Variants in WWOX observed in about 807,000 individuals in gnomAD.
WWOX encodes the protein WW domain-containing oxidoreductase.
WWOX carries 69 observed loss-of-function variants against 46.2 expected under a neutral mutation model. The observed-to-expected ratio is 1.49, with a 90% CI of 1.23 to 1.82. The LOEUF (loss-of-function observed/expected upper bound fraction) is 1.82, where lower values mean the gene tolerates loss of function less well. WWOX is among the 40% of genes most tolerant of loss of function. The pLI is 0.00. For synonymous variants in WWOX, 359 were observed against 202.6 expected (o/e 1.77, Z -6.56); for missense variants, 919 against 542.6 (o/e 1.69, Z -6.89).
intron 5 of WWOX, among the ~76,000 whole-genome samples, chr16:78,257,010 A>G (rs1007977946): frequency 6.6e-6 from 1 of 152,090 alleles, no homozygotes; most frequent in Admixed American, 6.6e-5. Context: ...TTAATGGCAC[A>G]TTAGGCTTTG....
chr16:78,997,777 C>A (rs2047018838), intron 8 of WWOX, among the ~76,000 whole-genome samples: 7 of 152,120 alleles, frequency 4.6e-5, no homozygotes, highest in Admixed American at 4.6e-4. Flanking sequence ...TAAGGTCAAC[C>A]AAGTATGGGA....
At chr16:78,134,025 T>G (rs775769884) in intron 4 of WWOX, among the ~76,000 whole-genome samples, 1 of 152,232 alleles carries the variant, frequency 6.6e-6, no homozygotes, top group African/African-American at 2.4e-5. Context: ...CTAGACTGTT[T>G]CCTTAAAGAA....
At chr16:78,937,549 C>G (rs935355834) in intron 8 of WWOX, among the ~76,000 whole-genome samples, 4 of 143,006 alleles carry the variant, frequency 2.8e-5, no homozygotes, top group Non-Finnish European at 4.5e-5. Flanking sequence ...CCTTGCTTGG[C>G]TTCCCAAAGT....
chr16:78,621,192 C>T (rs767209110), intron 8 of WWOX, among the ~76,000 whole-genome samples: 13 of 152,042 alleles, frequency 8.6e-5, no homozygotes, highest in Non-Finnish European at 1.6e-4. Context: ...TGGGGATCTG[C>T]GAAACATTAA....
chr16:78,829,230 A>G (rs1046183826), intron 8 of WWOX, among the ~76,000 whole-genome samples: 4 of 152,236 alleles, frequency 2.6e-5, no homozygotes, highest in East Asian at 1.9e-4. Context: ...ATGGAAGCCC[A>G]GAAGTCCCAA....
intron 5 of WWOX, among the ~76,000 whole-genome samples, chr16:78,226,390 T>A (rs950902720): frequency 6.7e-6 from 1 of 148,866 alleles, no homozygotes; most frequent in Non-Finnish European, 1.5e-5. Context: ...ACTTTAATGA[T>A]TTTTTTTTTC....
chr16:79,035,937 G>C (rs930241014), intron 8 of WWOX, among the ~76,000 whole-genome samples: 2 of 152,190 alleles, frequency 1.3e-5, no homozygotes, highest in Non-Finnish European at 2.9e-5. Flanking sequence ...ACTGTCTCAA[G>C]ATCTTAGAAG....
intron 8 of WWOX, among the ~76,000 whole-genome samples, chr16:78,909,990 A>C (rs1489583709): frequency 6.6e-6 from 1 of 152,178 alleles, no homozygotes; most frequent in Non-Finnish European, 1.5e-5. Flanking sequence ...CTATATTTTG[A>C]TTTAAGATCA....
intron 5 of WWOX, among the ~76,000 whole-genome samples, chr16:78,364,289 T>A (rs1362012977): frequency 6.6e-6 from 1 of 152,228 alleles, no homozygotes; most frequent in East Asian, 1.9e-4. Context: ...TGATAGCCAC[T>A]AAAGGGGGAA....
chr16:78,734,772 G>T (rs1354056982), intron 8 of WWOX, among the ~76,000 whole-genome samples: 1 of 140,372 alleles, frequency 7.1e-6, no homozygotes, highest in South Asian at 2.5e-4. Context: ...GGTCTGAATA[G>T]AGCAAATAGA....
intron 8 of WWOX, among the ~76,000 whole-genome samples, chr16:78,829,929 AG>A (rs1322936700): frequency 6.6e-6 from 1 of 152,204 alleles, no homozygotes; most frequent in Non-Finnish European, 1.5e-5. Context: ...TACATTCAGC[AG>A]AGGAAAAATG....
rs1326792750 is a variant in WWOX, at chr16:78,422,756, T to TAC, written c.606-2110_606-2109dup. Among the ~76,000 whole-genome samples the TAC allele has an allele frequency of 3.8e-5, 4 of 103,996 alleles. 1 individual carries two copies. Among genetic ancestry groups the TAC allele is most frequent in the African/African-American group, 2.7e-4 (4 of 15,068 alleles). 68.2% of individuals were successfully genotyped at this position (103,996 alleles called of 152,430 possible). On this transcript the variant is annotated intron_variant, in intron 6 of 8. Transcript: ENST00000566780. ...ACACACACATATATATACACATATATACACATATATATACACACATATATA... is the reference window on the plus strand; with the variant it reads ...ACACACACATATATATACACATATATACACACATATATATACACACATATATA...
chr16:78,607,545 T>C (rs2045789581), intron 8 of WWOX, among the ~76,000 whole-genome samples: 1 of 152,012 alleles, frequency 6.6e-6, no homozygotes, highest in Admixed American at 6.6e-5. Context: ...AACCAAAGGG[T>C]CTTAGAGTGT....
chr16:78,912,517 C>G (rs917119371), intron 8 of WWOX, among the ~76,000 whole-genome samples: 1 of 151,950 alleles, frequency 6.6e-6, no homozygotes, highest in African/African-American at 2.4e-5. Flanking sequence ...CAAGAAATGC[C>G]AGCTCCTCCG....
At chr16:78,363,462 A>G (rs961352119) in intron 5 of WWOX, among the ~76,000 whole-genome samples, 2 of 151,788 alleles carry the variant, frequency 1.3e-5, no homozygotes, top group African/African-American at 4.8e-5. Context: ...AAAATTTTGT[A>G]GTGACAGTGT....
intron 8 of WWOX, among the ~76,000 whole-genome samples, chr16:78,778,051 A>G (rs925467826): frequency 6.6e-6 from 1 of 151,842 alleles, no homozygotes; most frequent in Non-Finnish European, 1.5e-5. Flanking sequence ...TCTGAAAAAA[A>G]AAAAAAAAAA....
chr16:78,849,602 T>A (rs7200092), intron 8 of WWOX, among the ~76,000 whole-genome samples: 1 of 146,640 alleles, frequency 6.8e-6, no homozygotes, highest in Non-Finnish European at 1.5e-5. Context: ...AGAAAACAAC[T>A]ACAACCACAT....
chr16:79,103,726 G>A (rs1168036046), intron 8 of WWOX, among the ~76,000 whole-genome samples: 2 of 152,064 alleles, frequency 1.3e-5, no homozygotes, highest in Non-Finnish European at 2.9e-5. Flanking sequence ...TCCTAGATAT[G>A]TTACTTAAAC....
intron 8 of WWOX, among the ~76,000 whole-genome samples, chr16:78,692,958 C>T (rs1377492134): frequency 6.6e-6 from 1 of 152,174 alleles, no homozygotes; most frequent in African/African-American, 2.4e-5. Context: ...ATTAAACACC[C>T]TTCTCTCCCT....
Sources: allele counts gnomAD v4.1 joint callset (sites outside exome capture counted in the v4.1 genomes callset), GRCh38; gene constraint gnomAD v4.1.1; transcripts MANE v1.5; gene names NCBI Gene and HGNC (gene_info 2026-07-23, HGNC 2026-07-21).